Variants in LRRC7 observed in about 807,000 individuals in gnomAD.
LRRC7 encodes the protein leucine-rich repeat-containing protein 7.
LRRC7 carries 23 observed loss-of-function variants against 175.7 expected under a neutral mutation model. That is an observed-to-expected ratio of 0.13 (90% CI 0.09 to 0.19). The LOEUF is 0.19. Among genes scored for constraint, LRRC7 ranks in the 10% least tolerant of loss-of-function variants. The probability of loss-of-function intolerance (pLI) is 1.00; values close to 1 mark genes in which losing one functional copy is unlikely to be tolerated. For missense variants in LRRC7, 1,354 were observed against 1,904.7 expected, an observed-to-expected ratio of 0.71 and a Z score of 5.38; for synonymous variants, 685 against 680.9, an observed-to-expected ratio of 1.01 and a Z score of -0.09.
At chr1:69,785,101 T>C (rs1373348884) in intron 3 of LRRC7, among the ~76,000 whole-genome samples, 1 of 152,140 alleles carries the variant, frequency 6.6e-6, no homozygotes, top group East Asian at 1.9e-4. Flanking sequence ...TCTATAGCTT[T>C]TTGTATTTTT....
At chr1:70,007,584 TA>T (rs1243352332) in intron 11 of LRRC7, among the ~76,000 whole-genome samples, 1 of 152,220 alleles carries the variant, frequency 6.6e-6, no homozygotes, top group Non-Finnish European at 1.5e-5. Flanking sequence ...TATTTTAATT[TA>T]AAAAACATAT....
At chr1:69,619,544 T>C (rs2100305679) in intron 1 of LRRC7, among the ~76,000 whole-genome samples, 1 of 152,320 alleles carries the variant, frequency 6.6e-6, no homozygotes, top group Non-Finnish European at 1.5e-5. Context: ...AAGCTGAATT[T>C]GTCTTTTTTC....
chr1:69,655,507 T>C (rs1351932577), intron 1 of LRRC7, among the ~76,000 whole-genome samples: 1 of 152,050 alleles, frequency 6.6e-6, no homozygotes, highest in Non-Finnish European at 1.5e-5. Context: ...AGAACCTGTC[T>C]TCTTTTTCCT....
intron 25 of LRRC7, among the ~76,000 whole-genome samples, chr1:70,097,287 A>C (rs576476517): frequency 6.6e-6 from 1 of 152,298 alleles, no homozygotes; most frequent in East Asian, 1.9e-4. Flanking sequence ...CACCTCTAAG[A>C]AATGTTCTAG....
At chr1:69,712,455 T>G (rs568366339) in intron 2 of LRRC7, among the ~76,000 whole-genome samples, 2 of 152,108 alleles carry the variant, frequency 1.3e-5, no homozygotes, top group East Asian at 3.9e-4. Context: ...AATAGAAAAA[T>G]TAGCCAGGCT....
intron 23 of LRRC7, among the ~76,000 whole-genome samples, chr1:70,053,647 G>A (rs1161759706): frequency 2.6e-5 from 4 of 152,040 alleles, no homozygotes; most frequent in Admixed American, 1.3e-4. Context: ...TTTTTATCTA[G>A]TAAGGTGTGC....
rs148159067 is a variant in LRRC7, at chr1:69,758,067, A to G, written c.101-2124A>G. Among the ~76,000 whole-genome samples the G allele has an allele frequency of 4.3e-3, 656 of 152,100 alleles. 3 individuals carry two copies. The highest frequency in any genetic ancestry group is 0.014 in the African/African-American group (568 of 41,530). On this transcript the variant is annotated intron_variant, in intron 2 of 26. Transcript: ENST00000651989. ...ACTTCCCTTTGCAACTGCAATAATC[A>G]CAACAAACATTTACTAAGTGCCTAT...
At chr1:70,019,720 A>G (rs1657284235) in intron 15 of LRRC7, among the ~76,000 whole-genome samples, 1 of 151,990 alleles carries the variant, frequency 6.6e-6, no homozygotes, top group African/African-American at 2.4e-5. Context: ...TGTCTACAGA[A>G]GTAGGAAAAG....
In LRRC7 at chr1:70,129,056, A is replaced by T. The variant is rs980747421; in HGVS notation, c.*7169A>T. On this transcript the variant is annotated 3_prime_UTR_variant, in exon 27 of 27. Transcript: ENST00000651989. Reference sequence around the variant, plus strand: ...AGGTCAGGAATTGGATACCAGCCTGACCAACATGCTGAAACCTCATCTCTA... The same window carrying T: ...AGGTCAGGAATTGGATACCAGCCTGTCCAACATGCTGAAACCTCATCTCTA... Among the ~76,000 whole-genome samples, 5 of 151,704 alleles carry T rather than the reference A, an allele frequency of 3.3e-5. No homozygotes were observed. Among genetic ancestry groups the T allele is most frequent in the Non-Finnish European group, 7.4e-5 (5 of 67,940 alleles).
chr1:69,665,483 C>G (rs1658133163), intron 1 of LRRC7, among the ~76,000 whole-genome samples: 1 of 151,958 alleles, frequency 6.6e-6, no homozygotes, highest in African/African-American at 2.4e-5. Context: ...TTTTGTGTGT[C>G]CTATTCAAAT....
intron 3 of LRRC7, among the ~76,000 whole-genome samples, chr1:69,767,112 A>G (rs1671707301): frequency 6.6e-6 from 1 of 152,100 alleles, no homozygotes. Flanking sequence ...TTTCATATAA[A>G]CAGAATTACA....
chr1:70,053,663 G>GAT lies in LRRC7; in HGVS notation c.4230+520_4230+521dup, dbSNP rs201188025. 8.5e-3 allele frequency among the ~76,000 whole-genome samples: 1,295 copies of GAT among 152,144 alleles called. 11 individuals carry two copies. The highest frequency in any genetic ancestry group is 0.029 in the African/African-American group (1,222 of 41,512). On this transcript the variant is annotated intron_variant, in intron 23 of 26. Coordinates refer to ENST00000651989, the MANE Select transcript of LRRC7 (RefSeq NM_001370785.2). Reference sequence around the variant, plus strand: ...TTTTATCTAGTAAGGTGTGCTGAGTGATAAGTAGGTAATTATAATATTACA... The same window carrying GAT: ...TTTTATCTAGTAAGGTGTGCTGAGTGATATAAGTAGGTAATTATAATATTACA...
intron 4 of LRRC7, among the ~76,000 whole-genome samples, chr1:69,821,921 T>C (rs928173832): frequency 2.0e-5 from 3 of 152,044 alleles, no homozygotes; most frequent in Non-Finnish European, 4.4e-5. Flanking sequence ...ATTTTGGTGG[T>C]GTCATATTCC....
chr1:70,011,537 A>T (rs1460182218), intron 11 of LRRC7, among the ~76,000 whole-genome samples: 1 of 152,194 alleles, frequency 6.6e-6, no homozygotes, highest in Non-Finnish European at 1.5e-5. Flanking sequence ...AGTTGTAAAC[A>T]AATGAAAAAT....
At chr1:69,739,321 G>C (rs1668458559) in intron 2 of LRRC7, among the ~76,000 whole-genome samples, 1 of 152,024 alleles carries the variant, frequency 6.6e-6, no homozygotes, top group Admixed American at 6.6e-5. Context: ...CAAGCTAAGG[G>C]TGAGCACAAT....
chr1:69,940,496 C>T (rs550191590), intron 8 of LRRC7, among the ~76,000 whole-genome samples: 26 of 152,086 alleles, frequency 1.7e-4, no homozygotes, highest in East Asian at 3.9e-4. Context: ...ATTCTGTCAA[C>T]GGTTTCTACC....
chr1:69,838,146 G>C, intron 6 of LRRC7, 81 bp from the exon 7 acceptor site: 1 of 897,780 alleles, frequency 1.1e-6, no homozygotes, highest in East Asian at 2.5e-5. Context: ...TAACCCTATA[G>C]TGCTACCAAA....
intron 22 of LRRC7, among the ~76,000 whole-genome samples, chr1:70,052,195 T>C (rs968009370): frequency 5.3e-5 from 8 of 152,030 alleles, no homozygotes; most frequent in African/African-American, 1.9e-4. Context: ...TATGTAAATA[T>C]ACCATTGTAC....
chr1:69,650,087 C>T (rs1243835591), intron 1 of LRRC7, among the ~76,000 whole-genome samples: 1 of 152,138 alleles, frequency 6.6e-6, no homozygotes, highest in African/African-American at 2.4e-5. Flanking sequence ...AACTCAAGGA[C>T]ATAGCACAAC....
Sources: allele counts gnomAD v4.1 joint callset (sites outside exome capture counted in the v4.1 genomes callset), GRCh38; gene constraint gnomAD v4.1.1; transcripts MANE v1.5; gene names NCBI Gene and HGNC (gene_info 2026-07-23, HGNC 2026-07-21).